Variants in NTRK2 observed in about 807,000 individuals in gnomAD.
NTRK2 encodes the protein BDNF/NT-3 growth factors receptor.
In NTRK2, 13 loss-of-function variants were observed where a neutral mutation model predicts 94.5. That is an observed-to-expected ratio of 0.14 (90% confidence interval 0.09 to 0.22). The LOEUF (loss-of-function observed/expected upper bound fraction) is 0.22, where lower values mean the gene tolerates loss of function less well. Among genes scored for constraint, NTRK2 ranks in the 10% least tolerant of loss-of-function variants. The pLI is 1.00. For missense variants in NTRK2, 639 were observed against 1,071.2 expected (o/e 0.60, Z 5.63); for synonymous variants, 372 against 407.4 (o/e 0.91, Z 1.05).
chr9:84,706,527 G>GTTTTTTTTTTTTTTTTTT (rs71369141), intron 4 of NTRK2, among the ~76,000 whole-genome samples: 1 of 81,656 alleles, frequency 1.2e-5, no homozygotes, highest in African/African-American at 5.2e-5. Flanking sequence ...TTTTGTTTTT[G>GTTTTTTTTTTTTTTTTTT]TTTTTTTTTT....
At chr9:84,814,374 C>A in intron 12 of NTRK2, 6 of 1,065,352 alleles carry the variant, frequency 5.6e-6, no homozygotes, top group Non-Finnish European at 6.8e-6. Flanking sequence ...CGAGAGAGAG[C>A]ATAATGGAGG....
At chr9:84,682,725 T>C (rs1026363849) in intron 2 of NTRK2, among the ~76,000 whole-genome samples, 1 of 152,216 alleles carries the variant, frequency 6.6e-6, no homozygotes, top group African/African-American at 2.4e-5. Context: ...GTCTTACATA[T>C]ATAGCACATA....
chr9:84,768,956 G>A (rs1365901143), intron 12 of NTRK2, among the ~76,000 whole-genome samples: 2 of 152,120 alleles, frequency 1.3e-5, no homozygotes, highest in African/African-American at 2.4e-5. Context: ...ATTAGATGTG[G>A]AGGACAATCA....
In NTRK2 at chr9:84,883,095, C is replaced by G. The variant is rs533280104; in HGVS notation, c.1633+15664C>G. Reference sequence around the variant, plus strand: ...TAGAAACACTTTCTAAGAATCAAATCCCTGCATCCAAACTGGTATCTATCA... The same window carrying G: ...TAGAAACACTTTCTAAGAATCAAATGCCTGCATCCAAACTGGTATCTATCA... On this transcript the variant is annotated intron_variant, in intron 14 of 18. Coordinates refer to ENST00000277120, the MANE Select transcript of NTRK2 (RefSeq NM_006180.6). Among the ~76,000 whole-genome samples the G allele has an allele frequency of 9.9e-5, 15 of 152,278 alleles. 1 individual carries two copies. Among genetic ancestry groups the G allele is most frequent in the Admixed American group, 9.2e-4 (14 of 15,292 alleles).
chr9:84,902,623 G>C (rs962956063), intron 14 of NTRK2, among the ~76,000 whole-genome samples: 1 of 152,124 alleles, frequency 6.6e-6, no homozygotes, highest in Non-Finnish European at 1.5e-5. Flanking sequence ...GCAGGCAAAC[G>C]AATCCACAGG....
At chr9:84,998,129 G>C (rs1445634900) in intron 17 of NTRK2, among the ~76,000 whole-genome samples, 3 of 152,186 alleles carry the variant, frequency 2.0e-5, no homozygotes, top group Non-Finnish European at 4.4e-5. Context: ...AGCAGTGGGA[G>C]GCAGAAGCCT....
chr9:85,003,808 A>G (rs1226419512), intron 17 of NTRK2, among the ~76,000 whole-genome samples: 5 of 151,404 alleles, frequency 3.3e-5, no homozygotes, highest in African/African-American at 1.2e-4. Context: ...GTCAACAGTG[A>G]AGATGGGGGG....
intron 17 of NTRK2, among the ~76,000 whole-genome samples, chr9:84,958,486 T>G (rs1015922315): frequency 3.9e-5 from 6 of 152,224 alleles, no homozygotes; most frequent in Non-Finnish European, 7.3e-5. Context: ...GATTCCCAGT[T>G]CCTTTATTTG....
chr9:84,789,231 G>C (rs1205903203), intron 12 of NTRK2, among the ~76,000 whole-genome samples: 1 of 152,184 alleles, frequency 6.6e-6, no homozygotes, highest in East Asian at 1.9e-4. Context: ...CCTGTCCTCA[G>C]GTATGGCTGG....
chr9:85,004,148 A>AAGGAAGGAAGGAAGGGAGTGAGGC (rs2133441569), intron 17 of NTRK2, among the ~76,000 whole-genome samples: 1 of 56,900 alleles, frequency 1.8e-5, no homozygotes, highest in South Asian at 6.4e-4. Context: ...GGGAGGGAGG[A>AAGGAAGGAAGGAAGGGAGTGAGGC]ACAGGGACTT....
At chr9:84,894,151 T>TGCGGG (rs1554764808) in intron 14 of NTRK2, among the ~76,000 whole-genome samples, 4 of 127,060 alleles carry the variant, frequency 3.1e-5, no homozygotes, top group African/African-American at 7.4e-5. Context: ...GTTTGGGTGT[T>TGCGGG]ACTTGACTAT....
At chr9:84,734,586 A>G (rs989013352) in intron 9 of NTRK2, among the ~76,000 whole-genome samples, 1 of 152,140 alleles carries the variant, frequency 6.6e-6, no homozygotes, top group Non-Finnish European at 1.5e-5. Context: ...ACCTAATGGG[A>G]GGTAATTGAA....
rs202109614 is a variant in NTRK2, at chr9:85,023,502, T to G, written c.*2065T>G. ...TAGCAACTGCAGTCAAGCGAGGGAG[T>G]TGACAAGATAAACCTTACGTCCATT... On this transcript the variant is annotated 3_prime_UTR_variant, in exon 19 of 19. Transcript: ENST00000277120. 4.3e-6 allele frequency: 1 copy of G among 232,490 alleles called. No individual in the cohort carries two copies. The highest frequency in any genetic ancestry group is 2.2e-5 in the African/African-American group (1 of 45,278). 14.4% of individuals were successfully genotyped at this position (232,490 alleles called of 1,614,324 possible).
intron 17 of NTRK2, among the ~76,000 whole-genome samples, chr9:84,984,032 A>G (rs1015694487): frequency 6.6e-6 from 1 of 152,206 alleles, no homozygotes; most frequent in Non-Finnish European, 1.5e-5. Context: ...CAGTTTCATC[A>G]TATCCAAAAT....
intron 6 of NTRK2, among the ~76,000 whole-genome samples, chr9:84,723,279 A>G (rs933975895): frequency 6.6e-6 from 1 of 152,250 alleles, no homozygotes; most frequent in African/African-American, 2.4e-5. Flanking sequence ...AGAACAGGAA[A>G]AGAGGTGGAA....
At chr9:84,979,522 A>G (rs558935982) in intron 17 of NTRK2, among the ~76,000 whole-genome samples, 6 of 152,326 alleles carry the variant, frequency 3.9e-5, no homozygotes, top group Non-Finnish European at 7.3e-5. Context: ...TGGTTTTTTG[A>G]GCTGGAATCT....
intron 14 of NTRK2, chr9:84,877,461 C>T: frequency 9.4e-7 from 1 of 1,065,910 alleles, no homozygotes; most frequent in Non-Finnish European, 1.1e-6. Context: ...GGAAACCCTG[C>T]TGGCTAATGG....
rs201140756 is a variant in NTRK2 at position 84,955,445 on chromosome 9, C to T, written c.2100C>T (p.Val700=). 1.1e-5 allele frequency: 17 copies of T among 1,614,098 alleles called. No homozygotes were observed. The highest frequency in any genetic ancestry group is 2.2e-5 in the East Asian group (1 of 44,888). ...ATTTGGCCACCAGGAACTGCCTGGTCGGGGAGAACTTGCTGGTGAAAATCG... is the reference window on the plus strand; with the variant it reads ...ATTTGGCCACCAGGAACTGCCTGGTTGGGGAGAACTTGCTGGTGAAAATCG... ...HRDLATRNCL[V]GENLLVKIGD... is the part of the protein sequence containing the mutation. The change falls in exon 17 of 19, where the codon GTC becomes GTT. Residue 700 remains valine (V), a synonymous_variant. Transcript: ENST00000277120.
At chr9:84,806,795 A>G (rs2071171302) in intron 12 of NTRK2, among the ~76,000 whole-genome samples, 1 of 152,264 alleles carries the variant, frequency 6.6e-6, no homozygotes, top group South Asian at 2.1e-4. Context: ...TACCTTGCTC[A>G]CATCTCACTT....
Sources: allele counts gnomAD v4.1 joint callset (sites outside exome capture counted in the v4.1 genomes callset), GRCh38; gene constraint gnomAD v4.1.1; transcripts MANE v1.5; gene names NCBI Gene and HGNC (gene_info 2026-07-23, HGNC 2026-07-21).